The following LARS1 variants were observed in gnomAD, a reference collection of about 807,000 sequenced individuals.
LARS1 encodes leucyl-tRNA synthetase 1, also known as leucine--tRNA ligase, cytoplasmic.
In LARS1, 100 loss-of-function variants were observed where a neutral mutation model predicts 162.8. The ratio of observed to expected loss-of-function variants is 0.61; its 90% CI spans 0.52 to 0.73. The LOEUF (loss-of-function observed/expected upper bound fraction) is 0.73. LARS1 is among the 30% of genes least tolerant of loss of function. LARS1 has a pLI of 0.00. For synonymous variants in LARS1, 457 were observed against 462.8 expected, an observed-to-expected ratio of 0.99 and a Z score of 0.16; for missense variants, 1,258 against 1,408.9, an observed-to-expected ratio of 0.89 and a Z score of 1.71.
At chr5:146,180,887 C>G (rs1328640585) in intron 1 of LARS1, 1 of 152,194 alleles carries the variant, frequency 6.6e-6, no homozygotes, top group East Asian at 1.9e-4. Flanking sequence ...CAGGGGTTGT[C>G]CTGTGCACTG....
At chr5:146,168,399 C>A in intron 4 of LARS1, 134 bp from the exon 5 acceptor site, 1 of 870,396 alleles carries the variant, frequency 1.1e-6, no homozygotes, top group Non-Finnish European at 1.7e-6. Context: ...GGCTCCACTA[C>A]AGAAAACTGA....
intron 29 of LARS1, among the ~76,000 whole-genome samples, 170 bp downstream of exon 29, chr5:146,123,812 T>C (rs1751931938): frequency 6.6e-6 from 1 of 151,738 alleles, no homozygotes; most frequent in East Asian, 1.9e-4. Context: ...TTCCTGCAAC[T>C]TTTATACTCA....
chr5:146,175,286 G>A (rs1398877252), intron 2 of LARS1, among the ~76,000 whole-genome samples: 1 of 147,946 alleles, frequency 6.8e-6, no homozygotes, highest in Non-Finnish European at 1.5e-5. Context: ...TGGCTCACGC[G>A]TGTAATCCCA....
At chr5:146,140,132 A>C in intron 21 of LARS1, 72 bp downstream of exon 21, 15 of 1,206,534 alleles carry the variant, frequency 1.2e-5, no homozygotes, top group Non-Finnish European at 1.7e-5. Context: ...TACATTTAAA[A>C]AAAAGTGCAA....
At position 146,151,942 on chromosome 5, in the gene LARS1, A is replaced by C; in HGVS notation, c.1345T>G (p.Leu449Val). 6.2e-7 allele frequency: 1 copy of C among 1,614,132 alleles called. No individual in the cohort carries two copies. The highest frequency in any genetic ancestry group is 2.2e-5 in the East Asian group (1 of 44,888). ...NLSAVTICDELKIQSQNDREK... is the reference protein window; with the variant it reads ...NLSAVTICDEVKIQSQNDREK... ...CGGTCATTCTGGCTCTGAATTTTCA[A>C]CTCATCACAAATGGTTACAGCAGAA... The change falls in exon 14 of 32, where the codon TTG becomes GTG. Residue 449 changes from leucine to valine, a missense_variant. By Grantham distance (32) the Leu-to-Val change is conservative. Coordinates refer to ENST00000394434, the MANE Select transcript of LARS1 (RefSeq NM_020117.11).
rs1764067117 is a variant in LARS1, at chr5:146,113,523, T to TA, written c.*582_*583insT. 6.6e-6 allele frequency: 1 copy of TA among 152,386 alleles called. No individual in the cohort carries two copies. The highest frequency in any genetic ancestry group is 2.1e-4 in the South Asian group (1 of 4,834). 9.4% of individuals were successfully genotyped at this position (152,386 alleles called of 1,614,324 possible). A position where few individuals can be genotyped will look rare whatever the true frequency, so the allele number is the denominator to read the frequency against. On this transcript the variant is annotated 3_prime_UTR_variant, in exon 32 of 32. Coordinates refer to ENST00000394434, the MANE Select transcript of LARS1 (RefSeq NM_020117.11). Reference sequence around the variant, plus strand: ...TTAGCCTTGAAGAAGCCATTATTGGTTCTTAGTTGAATAATTAAAGCTTTA... The same window carrying TA: ...TTAGCCTTGAAGAAGCCATTATTGGTATCTTAGTTGAATAATTAAAGCTTTA...
intron 19 of LARS1, 24 bp from the exon 20 acceptor site, chr5:146,143,108 A>ATT (rs776516374): frequency 8.9e-7 from 1 of 1,128,536 alleles, no homozygotes; most frequent in Non-Finnish European, 1.2e-6. Context: ...AAAACAAACT[A>ATT]TTTTATATAT....
Position 146,159,418 on chromosome 5 carries a change from G to A in LARS1, c.760C>T (p.Gln254Ter). 6.2e-7 allele frequency: 1 copy of A among 1,610,550 alleles called. No individual in the cohort carries two copies. The highest frequency in any genetic ancestry group is 8.5e-7 in the Non-Finnish European group (1 of 1,177,034). Residue 254 changes from glutamine to a stop codon, truncating the protein, a stop_gained, in exon 8 of 32, where the codon CAA becomes TAA. Transcript: ENST00000394434. LOFTEE classifies it high-confidence loss of function. ...TCACAAATAATCACCTCTCCAGTTTGTCTATCATGATCCATGCAAGGCTGT... is the reference window on the plus strand; with the variant it reads ...TCACAAATAATCACCTCTCCAGTTTATCTATCATGATCCATGCAAGGCTGT... ...DGQPCMDHDR[Q>*]TGEGVGPQEY...
chr5:146,159,587 A>G (rs1753687023), intron 7 of LARS1, 117 bp from the exon 8 acceptor site: 1 of 709,878 alleles, frequency 1.4e-6, no homozygotes, highest in East Asian at 2.7e-5. Flanking sequence ...TTCTGAGTAG[A>G]TATCTGTGTC....
chr5:146,176,084 T>G (rs996916845), intron 2 of LARS1, among the ~76,000 whole-genome samples: 1 of 151,484 alleles, frequency 6.6e-6, no homozygotes, highest in Non-Finnish European at 1.5e-5. Flanking sequence ...CTCGGGAGTT[T>G]GAAGTTACAG....
At position 146,121,574 on chromosome 5, in the gene LARS1, C is replaced by T. The variant is rs547415221; in HGVS notation, c.3192+918G>A. On this transcript the variant is annotated intron_variant, in intron 30 of 31. Coordinates refer to ENST00000394434, the MANE Select transcript of LARS1 (RefSeq NM_020117.11). Reference sequence around the variant, plus strand: ...CACAATAGCAAAGACTTAGAACCAACCCAAATGCTCATCAATGATAGACTG... The same window carrying T: ...CACAATAGCAAAGACTTAGAACCAATCCAAATGCTCATCAATGATAGACTG... 5.3e-5 allele frequency among the ~76,000 whole-genome samples: 8 copies of T among 152,274 alleles called. No homozygotes were observed. In the South Asian group the frequency reaches 1.5e-3, roughly 28 times the overall value.
chr5:146,180,717 T>G (rs542897402), intron 1 of LARS1, among the ~76,000 whole-genome samples: 1 of 152,294 alleles, frequency 6.6e-6, no homozygotes, highest in African/African-American at 2.4e-5. Flanking sequence ...TAATAAAATC[T>G]GATATTGGCC....
intron 10 of LARS1, 38 bp from the exon 11 acceptor site, chr5:146,154,018 T>C: frequency 7.2e-7 from 1 of 1,383,046 alleles, no homozygotes; most frequent in South Asian, 1.3e-5. Context: ...GGTGAAGTAA[T>C]TCATTGTGAC....
At chr5:146,133,147 G>A in intron 22 of LARS1, 66 bp from the exon 23 acceptor site, 3 of 1,389,374 alleles carry the variant, frequency 2.2e-6, no homozygotes, top group Non-Finnish European at 1.0e-6. Context: ...TGTGTCCTAT[G>A]TGTCCAGTTG....
chr5:146,130,000 T>C lies in LARS1; in HGVS notation c.2628+18A>G. Reference sequence around the variant, plus strand: ...CAAAATCAAAACCACTCGAAACATTTTAAATGCATGAAGGTACCTTTCCCA... The same window carrying C: ...CAAAATCAAAACCACTCGAAACATTCTAAATGCATGAAGGTACCTTTCCCA... On this transcript the variant is annotated intron_variant, in intron 25 of 31. Coordinates refer to ENST00000394434, the MANE Select transcript of LARS1 (RefSeq NM_020117.11). The C allele has an allele frequency of 6.3e-7, 1 of 1,590,270 alleles. No individual in the cohort carries two copies. Among genetic ancestry groups the C allele is most frequent in the Non-Finnish European group, 8.5e-7 (1 of 1,170,836 alleles).
chr5:146,176,448 C>CA (rs34896615), intron 2 of LARS1, among the ~76,000 whole-genome samples: 1,164 of 76,422 alleles, frequency 0.015, 15 homozygotes, highest in African/African-American at 0.028. Flanking sequence ...AAGACTGTCT[C>CA]AAAAAAAAAA....
chr5:146,131,676 A>C (rs1752291049), intron 23 of LARS1: 1 of 151,186 alleles, frequency 6.6e-6, no homozygotes, highest in Admixed American at 6.6e-5. Context: ...TTTTTTGTAG[A>C]GACAGGATCT....
intron 23 of LARS1, chr5:146,132,335 C>A (rs1752322706): frequency 6.6e-6 from 1 of 152,028 alleles, no homozygotes; most frequent in South Asian, 2.1e-4. Context: ...CCAGAAGTCA[C>A]ATGACATCTC....
intron 2 of LARS1, among the ~76,000 whole-genome samples, chr5:146,175,578 G>A (rs1037463213): frequency 7.5e-5 from 11 of 146,518 alleles, no homozygotes; most frequent in African/African-American, 2.5e-5. Flanking sequence ...AGTGGCTCAC[G>A]CCTGTAATCC....
Sources: allele counts gnomAD v4.1 joint callset (sites outside exome capture counted in the v4.1 genomes callset), GRCh38; gene constraint gnomAD v4.1.1; transcripts MANE v1.5; gene names NCBI Gene and HGNC (gene_info 2026-07-23, HGNC 2026-07-21).